CR1: variants seen among roughly 807,000 people sequenced by gnomAD.
CR1 encodes complement receptor type 1.
In CR1, 116 loss-of-function variants were observed where a neutral mutation model predicts 187.3. The ratio of observed to expected loss-of-function variants is 0.62; its 90% CI spans 0.53 to 0.72. CR1 has a LOEUF of 0.72. Among genes scored for constraint, CR1 ranks in the 30% least tolerant of loss-of-function variants. CR1 has a pLI of 0.00. For missense variants in CR1, 1,731 were observed against 2,110.7 expected (o/e 0.82, Z 3.52); for synonymous variants, 576 against 747.1 (o/e 0.77, Z 3.73).
intron 13 of CR1, among the ~76,000 whole-genome samples, chr1:207,544,427 C>G (rs986257408): frequency 3.1e-5 from 1 of 32,654 alleles, no homozygotes; most frequent in African/African-American, 1.8e-4. Context: ...TTAAAGAAGT[C>G]ATTTTTCTAT....
At chr1:207,635,158 G>A (rs1319211660) in intron 46 of CR1, among the ~76,000 whole-genome samples, 1 of 152,114 alleles carries the variant, frequency 6.6e-6, no homozygotes, top group Non-Finnish European at 1.5e-5. Context: ...TTCTCATTAG[G>A]TGGAACTAGA....
intron 35 of CR1, among the ~76,000 whole-genome samples, chr1:207,593,090 A>AAAAAAAAAC (rs1661324118): frequency 6.6e-6 from 1 of 151,382 alleles, no homozygotes; most frequent in African/African-American, 2.4e-5. Flanking sequence ...ATTACAAAAA[A>AAAAAAAAAC]AAAAAAAAAA....
intron 22 of CR1, 40 bp from the exon 23 acceptor site, chr1:207,564,092 C>T: frequency 6.5e-7 from 1 of 1,535,348 alleles, no homozygotes; most frequent in Non-Finnish European, 8.7e-7. Context: ...CTTTATTCTC[C>T]ACATGCCAGT....
Position 207,580,578 on chromosome 1 carries a change from G to T in CR1, c.5181G>T (p.Gln1727His). Residue 1727 changes from glutamine (Q) to histidine (H), a missense_variant, in exon 31 of 47, where the codon CAG becomes CAT. Gln to His is a conservative substitution (Grantham distance 24, BLOSUM62 0). Around this residue, in one of 5 missense-constraint regions of CR1, gnomAD observed 1,312 missense variants for 1,379.6 expected, o/e 0.95. Coordinates refer to ENST00000367049, the MANE Select transcript of CR1 (RefSeq NM_000651.6). The stretch of plus-strand genomic sequence containing the variant: ...GTGTGCTATTTCCACTTAATCTCCA[G>T]CTTGGGGCAAAGGTGTCCTTTGTCT... ...HGRVLFPLNLQLGAKVSFVCD... is the reference protein window; with the variant it reads ...HGRVLFPLNLHLGAKVSFVCD... 1 of 1,612,758 alleles carries T rather than the reference G, an allele frequency of 6.2e-7. No individual in the cohort carries two copies.
chr1:207,498,864 C>A (rs1280363690), intron 1 of CR1, among the ~76,000 whole-genome samples: 2 of 21,012 alleles, frequency 9.5e-5, no homozygotes, highest in African/African-American at 1.2e-4. Flanking sequence ...GGTGACAGAG[C>A]GCAACTCCAA....
At chr1:207,576,958 CAT>C (rs1660765687) in intron 28 of CR1, among the ~76,000 whole-genome samples, 1 of 152,026 alleles carries the variant, frequency 6.6e-6, no homozygotes, top group African/African-American at 2.4e-5. Context: ...GAAATAAAAA[CAT>C]AGACTATAGG....
At chr1:207,574,517 TC>T (rs1197476459) in intron 27 of CR1, among the ~76,000 whole-genome samples, 5 of 151,824 alleles carry the variant, frequency 3.3e-5, no homozygotes, top group African/African-American at 4.8e-5. Flanking sequence ...AATGATGAAT[TC>T]CAAAGGAAAT....
chr1:207,616,497 C>G, intron 40 of CR1, 78 bp from the exon 41 acceptor site: 1 of 1,466,130 alleles, frequency 6.8e-7, no homozygotes, highest in Non-Finnish European at 9.3e-7. Flanking sequence ...TTTTTAAGCG[C>G]ACAGTCACAG....
chr1:207,608,076 A>G (rs1397809105), intron 36 of CR1, among the ~76,000 whole-genome samples: 1 of 152,238 alleles, frequency 6.6e-6, no homozygotes, highest in East Asian at 1.9e-4. Flanking sequence ...CAAGAAAATA[A>G]TCATGAAATA....
chr1:207,516,041 C>T (rs1659800145), intron 4 of CR1, among the ~76,000 whole-genome samples: 1 of 151,904 alleles, frequency 6.6e-6, no homozygotes, highest in Non-Finnish European at 1.5e-5. Flanking sequence ...AGAGTGAGAC[C>T]CTGTCTCTAC....
intron 35 of CR1, among the ~76,000 whole-genome samples, chr1:207,601,013 C>A (rs1421302388): frequency 6.6e-6 from 1 of 151,816 alleles, no homozygotes; most frequent in Non-Finnish European, 1.5e-5. Flanking sequence ...AATAAATGAA[C>A]AAAACATTTC....
intron 5 of CR1, among the ~76,000 whole-genome samples, chr1:207,525,766 T>G (rs1660148894): frequency 6.6e-6 from 1 of 151,920 alleles, no homozygotes; most frequent in Admixed American, 6.6e-5. Context: ...GCACAGCACC[T>G]CAATATTACA....
chr1:207,618,852 C>A (rs2102399204), intron 42 of CR1, among the ~76,000 whole-genome samples: 1 of 151,444 alleles, frequency 6.6e-6, no homozygotes, highest in East Asian at 1.9e-4. Context: ...ACCATCCTGG[C>A]CAACATGGTG....
chr1:207,578,749 C>G (rs1660845618), intron 29 of CR1, among the ~76,000 whole-genome samples: 1 of 152,216 alleles, frequency 6.6e-6, no homozygotes, highest in Non-Finnish European at 1.5e-5. Flanking sequence ...TCATCAGTAT[C>G]CATTGCTGAA....
chr1:207,520,740 T>C (rs1659950769), intron 4 of CR1, among the ~76,000 whole-genome samples: 1 of 152,194 alleles, frequency 6.6e-6, no homozygotes, highest in Admixed American at 6.5e-5. Flanking sequence ...ACTATTTTCC[T>C]TCAGCCTGAA....
intron 5 of CR1, among the ~76,000 whole-genome samples, chr1:207,525,269 G>T (rs1055948086): frequency 6.6e-6 from 1 of 151,460 alleles, no homozygotes; most frequent in Non-Finnish European, 1.5e-5. Flanking sequence ...AAATCATATC[G>T]CAGCTAATAG....
intron 46 of CR1, among the ~76,000 whole-genome samples, chr1:207,630,841 T>C (rs1662623500): frequency 6.6e-6 from 1 of 152,206 alleles, no homozygotes; most frequent in African/African-American, 2.4e-5. Context: ...TCACAGTCAC[T>C]ACTTTTTCAA....
intron 23 of CR1, among the ~76,000 whole-genome samples, chr1:207,565,590 C>A (rs189476831): frequency 1.3e-5 from 2 of 150,088 alleles, no homozygotes; most frequent in Non-Finnish European, 2.9e-5. Flanking sequence ...AAGGGGATGG[C>A]GCCTATGTCA....
At chr1:207,610,864 G>A (rs1014260814) in intron 37 of CR1, among the ~76,000 whole-genome samples, 1 of 151,972 alleles carries the variant, frequency 6.6e-6, no homozygotes, top group Non-Finnish European at 1.5e-5. Flanking sequence ...TTTTGATACA[G>A]GCATGCAATG....
Sources: allele counts gnomAD v4.1 joint callset (sites outside exome capture counted in the v4.1 genomes callset), GRCh38; gene constraint gnomAD v4.1.1; regional missense constraint gnomAD v4.1.1; transcripts MANE v1.5; gene names NCBI Gene and HGNC (gene_info 2026-07-23, HGNC 2026-07-21).